The following SYNE2 variants were observed in gnomAD, a reference collection of about 807,000 sequenced individuals.
SYNE2 encodes spectrin repeat containing nuclear envelope protein 2.
In SYNE2, 431 loss-of-function variants were observed where a neutral mutation model predicts 856.3. The observed-to-expected ratio is 0.50, with a 90% confidence interval of 0.47 to 0.55. The LOEUF (loss-of-function observed/expected upper bound fraction) is 0.55, where lower values mean the gene tolerates loss of function less well. SYNE2 is among the 20% of genes least tolerant of loss of function. The pLI, the probability that SYNE2 is intolerant of heterozygous loss-of-function variation, is 0.00. For synonymous variants in SYNE2, 2,923 were observed against 2,872.3 expected (o/e 1.02, Z -0.56); for missense variants, 8,129 against 8,023.2 (o/e 1.01, Z -0.50).
intron 106 of SYNE2, among the ~76,000 whole-genome samples, chr14:64,214,705 G>T (rs575840473): frequency 6.6e-6 from 1 of 152,112 alleles, no homozygotes; most frequent in African/African-American, 2.4e-5. Flanking sequence ...AGACACTAAG[G>T]TTACTCAGTG....
intron 41 of SYNE2, among the ~76,000 whole-genome samples, chr14:64,025,890 A>T (rs1033022163): frequency 7.2e-5 from 11 of 152,196 alleles, no homozygotes; most frequent in African/African-American, 2.7e-4. Context: ...TTTTTATCTA[A>T]GGGGAGATTC....
chr14:63,945,350 T>C (rs1054900714), intron 6 of SYNE2, among the ~76,000 whole-genome samples: 14 of 152,116 alleles, frequency 9.2e-5, no homozygotes, highest in Non-Finnish European at 1.8e-4. Context: ...CGCTTTGAGC[T>C]CTGTGGATAA....
chr14:63,892,259 C>T (rs1015972907), intron 1 of SYNE2, among the ~76,000 whole-genome samples: 2 of 151,988 alleles, frequency 1.3e-5, no homozygotes, highest in East Asian at 1.9e-4. Context: ...TGATTTTCCC[C>T]GAGCATTTCT....
At chr14:63,798,218 T>G (rs8015374) in intron 1 of SYNE2, among the ~76,000 whole-genome samples, 61,368 of 151,374 alleles carry the variant, frequency 0.41, 14,395 homozygotes, top group South Asian at 0.55. Context: ...TTTTTGGTTG[T>G]TTGTTTTTTC....
chr14:64,117,116 A>G (rs946262469), intron 66 of SYNE2, among the ~76,000 whole-genome samples: 2 of 152,160 alleles, frequency 1.3e-5, no homozygotes, highest in Non-Finnish European at 2.9e-5. Flanking sequence ...CTCTGTGTGT[A>G]TTATGTTTTT....
chr14:64,142,474 G>A (rs767099311), intron 82 of SYNE2, among the ~76,000 whole-genome samples: 1 of 152,064 alleles, frequency 6.6e-6, no homozygotes, highest in Non-Finnish European at 1.5e-5. Flanking sequence ...CAGGGCCCAC[G>A]TTTAACTGTA....
At chr14:64,218,094 T>C (rs1221575098) in intron 108 of SYNE2, 2 of 370,716 alleles carry the variant, frequency 5.4e-6, no homozygotes, top group South Asian at 2.2e-5. Context: ...CTGATTTGTT[T>C]CGTGTGGATC....
chr14:64,223,009 T>C (rs996999371), intron 112 of SYNE2, among the ~76,000 whole-genome samples, 180 bp from the exon 113 acceptor site: 2 of 152,184 alleles, frequency 1.3e-5, no homozygotes, highest in Non-Finnish European at 2.9e-5. Flanking sequence ...CATAATACAC[T>C]TGCTATCTAA....
chr14:63,991,828 C>G (rs893587187), intron 21 of SYNE2, among the ~76,000 whole-genome samples: 5 of 152,112 alleles, frequency 3.3e-5, no homozygotes, highest in Admixed American at 3.3e-4. Context: ...TTATAATGAG[C>G]TGGGCATTTA....
chr14:63,974,589 C>T (rs1372298576), intron 11 of SYNE2, among the ~76,000 whole-genome samples: 2 of 151,510 alleles, frequency 1.3e-5, no homozygotes, highest in Non-Finnish European at 2.9e-5. Flanking sequence ...GATGGAGTCT[C>T]GCTCTGTTGC....
intron 84 of SYNE2, among the ~76,000 whole-genome samples, 198 bp downstream of exon 84, chr14:64,146,421 A>C (rs2098188189): frequency 1.3e-5 from 2 of 152,216 alleles, no homozygotes; most frequent in Non-Finnish European, 1.5e-5. Context: ...GATAAACAGA[A>C]GAATGTACTT....
chr14:64,067,565 T>C (rs535430197), intron 51 of SYNE2, among the ~76,000 whole-genome samples: 6 of 152,384 alleles, frequency 3.9e-5, no homozygotes, highest in Admixed American at 6.5e-5. Context: ...CTTTTATATA[T>C]GACAAAGTGA....
chr14:63,900,653 A>G (rs954686333), intron 1 of SYNE2, among the ~76,000 whole-genome samples: 1 of 152,182 alleles, frequency 6.6e-6, no homozygotes, highest in Non-Finnish European at 1.5e-5. Context: ...TTGTTCTGGC[A>G]TTTGTGTGGT....
At chr14:63,977,258 G>T (rs1361062397) in intron 12 of SYNE2, among the ~76,000 whole-genome samples, 1 of 152,038 alleles carries the variant, frequency 6.6e-6, no homozygotes, top group African/African-American at 2.4e-5. Flanking sequence ...TGTCGTCCAG[G>T]CTGGAGTGCA....
chr14:64,183,083 G>T (rs1231317072), intron 96 of SYNE2, among the ~76,000 whole-genome samples: 100 of 148,410 alleles, frequency 6.7e-4, no homozygotes, highest in African/African-American at 2.3e-3. Flanking sequence ...CCCGGACGGG[G>T]CGGCTGCCGG....
intron 1 of SYNE2, among the ~76,000 whole-genome samples, chr14:63,780,516 A>G (rs1887269449): frequency 6.6e-6 from 1 of 152,198 alleles, no homozygotes; most frequent in Non-Finnish European, 1.5e-5. Context: ...CCCGGGCAAC[A>G]GAGCAAGACC....
chr14:64,154,088 T>C (rs559381141), intron 85 of SYNE2, among the ~76,000 whole-genome samples: 108 of 151,698 alleles, frequency 7.1e-4, no homozygotes, highest in Admixed American at 3.2e-3. Flanking sequence ...CCCAACACTT[T>C]GGGAGACTGA....
intron 98 of SYNE2, 41 bp downstream of exon 98, chr14:64,188,749 T>C: frequency 6.2e-7 from 1 of 1,609,546 alleles, no homozygotes; most frequent in Middle Eastern, 1.7e-4. Flanking sequence ...ATGACTACCA[T>C]GGAATTGTCG....
intron 57 of SYNE2, chr14:64,084,654 C>T: frequency 3.4e-6 from 1 of 290,220 alleles, no homozygotes; most frequent in East Asian, 6.0e-5. Flanking sequence ...GTTTATCTAC[C>T]AGTTAATAGA....
Sources: gnomAD v4.1 joint callset for allele counts (sites outside exome capture counted in the v4.1 genomes callset) on GRCh38, gnomAD v4.1.1 for gene constraint, MANE v1.5 for transcripts, NCBI Gene and HGNC (gene_info 2026-07-23, HGNC 2026-07-21) for gene names.